The following FAM91A1 variants were observed in gnomAD, a reference collection of about 807,000 sequenced individuals.
FAM91A1 encodes family with sequence similarity 91 member A1, also known as protein FAM91A1.
In FAM91A1, 41 loss-of-function variants were observed where a neutral mutation model predicts 113.5. The observed-to-expected ratio is 0.36, with a 90% CI of 0.28 to 0.47. The LOEUF is 0.47. FAM91A1 is among the 20% of genes least tolerant of loss of function. The pLI is 1.00. For missense variants in FAM91A1, 696 were observed against 1,001.2 expected, an observed-to-expected ratio of 0.70 and a Z score of 4.11; for synonymous variants, 307 against 347.9, an observed-to-expected ratio of 0.88 and a Z score of 1.31.
intron 15 of FAM91A1, among the ~76,000 whole-genome samples, chr8:123,796,839 A>T (rs1815533338): frequency 6.6e-6 from 1 of 150,658 alleles, no homozygotes; most frequent in Non-Finnish European, 1.5e-5. Flanking sequence ...CGAGGTGGGC[A>T]GATAACGAGG....
chr8:123,795,375 C>G (rs1378724453), intron 15 of FAM91A1, among the ~76,000 whole-genome samples: 5 of 151,898 alleles, frequency 3.3e-5, no homozygotes, highest in Non-Finnish European at 7.4e-5. Context: ...GTTTAACACA[C>G]CACCCCCCGC....
At position 123,814,298 on chromosome 8, in the gene FAM91A1, T is replaced by C. The variant is rs1816022045; in HGVS notation, c.*1594T>C. On this transcript the variant is annotated 3_prime_UTR_variant, in exon 24 of 24. Transcript: ENST00000334705. Reference sequence around the variant, plus strand: ...TGTACATTCCTAGTGCCATTAGGTATGTATGTATGTAACTTTTACAGTTTT... The same window carrying C: ...TGTACATTCCTAGTGCCATTAGGTACGTATGTATGTAACTTTTACAGTTTT... The C allele has an allele frequency of 2.3e-5, 5 of 215,478 alleles. No homozygotes were observed. The highest frequency in any genetic ancestry group is 1.1e-4 in the South Asian group (2 of 18,196). 13.3% of individuals were successfully genotyped at this position (215,478 alleles called of 1,614,324 possible).
At chr8:123,790,832 T>C (rs1173334394) in intron 15 of FAM91A1, among the ~76,000 whole-genome samples, 1 of 152,194 alleles carries the variant, frequency 6.6e-6, no homozygotes, top group Non-Finnish European at 1.5e-5. Flanking sequence ...TACTGGGGCT[T>C]TTGAGATCAT....
At chr8:123,803,544 C>G (rs1324712894) in intron 18 of FAM91A1, among the ~76,000 whole-genome samples, 1 of 152,176 alleles carries the variant, frequency 6.6e-6, no homozygotes. Flanking sequence ...CTCAAGTGAT[C>G]TGCCCGCCTT....
chr8:123,793,640 A>G (rs1815438668), intron 15 of FAM91A1, among the ~76,000 whole-genome samples: 1 of 152,160 alleles, frequency 6.6e-6, no homozygotes, highest in East Asian at 1.9e-4. Flanking sequence ...CTTTCTGGCC[A>G]AGCAATAGCA....
chr8:123,807,272 A>T (rs938377881), intron 20 of FAM91A1, among the ~76,000 whole-genome samples: 1 of 152,180 alleles, frequency 6.6e-6, no homozygotes, highest in African/African-American at 2.4e-5. Flanking sequence ...CGTATCTACT[A>T]CAGCTCTCCT....
intron 5 of FAM91A1, 34 bp downstream of exon 5, chr8:123,778,126 C>T (rs1464054949): frequency 6.6e-7 from 1 of 1,513,296 alleles, no homozygotes; most frequent in African/African-American, 1.4e-5. Flanking sequence ...TTGTTTTGGC[C>T]TCATCACACA....
chr8:123,793,159 A>G (rs1815428030), intron 15 of FAM91A1, among the ~76,000 whole-genome samples: 2 of 151,914 alleles, frequency 1.3e-5, no homozygotes, highest in South Asian at 4.2e-4. Flanking sequence ...CTTTCCATCT[A>G]CCCTTCATTG....
At chr8:123,806,844 C>G (rs539644497) in intron 20 of FAM91A1, among the ~76,000 whole-genome samples, 1 of 152,178 alleles carries the variant, frequency 6.6e-6, no homozygotes, top group East Asian at 1.9e-4. Flanking sequence ...CCTCTCCTTT[C>G]TATCTCCAGT....
chr8:123,802,764 A>T (rs1315138903), intron 18 of FAM91A1, among the ~76,000 whole-genome samples: 1 of 152,222 alleles, frequency 6.6e-6, no homozygotes, highest in African/African-American at 2.4e-5. Flanking sequence ...CAGACTGCCT[A>T]AACTCAGATC....
intron 21 of FAM91A1, 138 bp from the exon 22 acceptor site, chr8:123,808,755 T>G: frequency 1.2e-6 from 1 of 819,124 alleles, no homozygotes; most frequent in Non-Finnish European, 1.8e-6. Context: ...CTTCCTCCCC[T>G]GCCAAGCCCA....
At chr8:123,774,186 T>C in intron 2 of FAM91A1, 22 bp downstream of exon 2, 1 of 1,572,950 alleles carries the variant, frequency 6.4e-7, no homozygotes. Flanking sequence ...CATGTTTATA[T>C]TGGGGTGGAA....
chr8:123,798,053 G>T lies in FAM91A1; in HGVS notation c.1412-37G>T, dbSNP rs780879086. On this transcript the variant is annotated intron_variant, in intron 15 of 23. Coordinates refer to ENST00000334705, the MANE Select transcript of FAM91A1 (RefSeq NM_144963.4). ...TCAACATTTTTGTTTCACACTCTCA[G>T]TCTTTTATTCTGTGTGTGTGCTTGA... 3.9e-6 allele frequency: 6 copies of T among 1,555,822 alleles called. No individual in the cohort carries two copies. In the Admixed American group the frequency reaches 1.2e-4, roughly 31 times the overall value.
intron 18 of FAM91A1, among the ~76,000 whole-genome samples, chr8:123,803,957 A>G (rs1815744973): frequency 6.6e-6 from 1 of 152,182 alleles, no homozygotes; most frequent in South Asian, 2.1e-4. Flanking sequence ...TGTAGACATA[A>G]TGTTAAGTTC....
chr8:123,777,190 A>C, intron 3 of FAM91A1, 75 bp from the exon 4 acceptor site: 1 of 1,017,622 alleles, frequency 9.8e-7, no homozygotes, highest in East Asian at 2.7e-5. Context: ...ATTGGCTGTA[A>C]TAATATTGTA....
At chr8:123,775,341 C>T (rs2130046557) in intron 3 of FAM91A1, 43 bp downstream of exon 3, 1 of 1,592,474 alleles carries the variant, frequency 6.3e-7, no homozygotes, top group Admixed American at 1.7e-5. Context: ...TGGGATGGGA[C>T]TACATGTCTG....
intron 8 of FAM91A1, among the ~76,000 whole-genome samples, chr8:123,781,737 G>A (rs139045280): frequency 6.6e-5 from 10 of 152,196 alleles, no homozygotes; most frequent in East Asian, 1.9e-4. Flanking sequence ...TGCCCGCCTC[G>A]GCCTCCCAAA....
chr8:123,799,873 A>G lies in FAM91A1; in HGVS notation c.1797A>G (p.Ala599=). 1 of 1,590,720 alleles carries G rather than the reference A, an allele frequency of 6.3e-7. No homozygotes were observed. Among genetic ancestry groups the G allele is most frequent in the South Asian group, 1.1e-5 (1 of 87,472 alleles). Residue 599 remains alanine (A), a synonymous_variant, in exon 18 of 24, where the codon GCA becomes GCG. Coordinates refer to ENST00000334705, the MANE Select transcript of FAM91A1 (RefSeq NM_144963.4). Reference sequence around the variant, plus strand: ...TGAATGATGCTTTAACACATTCTGCAGTTTTAATTCAGGTACATTTATCTT... The same window carrying G: ...TGAATGATGCTTTAACACATTCTGCGGTTTTAATTCAGGTACATTTATCTT... ...TMLNDALTHS[A]VLIQGHGLHG... is the part of the protein sequence containing the mutation.
At chr8:123,771,182 A>G (rs978846667) in intron 1 of FAM91A1, among the ~76,000 whole-genome samples, 2 of 152,154 alleles carry the variant, frequency 1.3e-5, no homozygotes, top group African/African-American at 4.8e-5. Flanking sequence ...TTACCATTGC[A>G]TTGTATTCCT....
Sources: gnomAD v4.1 joint callset for allele counts (sites outside exome capture counted in the v4.1 genomes callset) on GRCh38, gnomAD v4.1.1 for gene constraint, MANE v1.5 for transcripts, NCBI Gene and HGNC (gene_info 2026-07-23, HGNC 2026-07-21) for gene names.